Variants in SPIC observed in about 807,000 individuals in gnomAD.
SPIC encodes Spi-C transcription factor.
A neutral mutation model predicts 16.7 loss-of-function variants in SPIC; 9 were observed. The ratio of observed to expected loss-of-function variants is 0.54; its 90% confidence interval spans 0.33 to 0.94. The LOEUF is 0.94. Among genes scored for constraint, SPIC ranks in the 40% least tolerant of loss-of-function variants. The pLI is 0.03. For synonymous variants in SPIC, 97 were observed against 102.9 expected, an observed-to-expected ratio of 0.94 and a Z score of 0.35; for missense variants, 241 against 285.8, an observed-to-expected ratio of 0.84 and a Z score of 1.13.
intron 5 of SPIC, among the ~76,000 whole-genome samples, chr12:101,484,863 A>G (rs1873320494): frequency 6.6e-6 from 1 of 151,838 alleles, no homozygotes; most frequent in Non-Finnish European, 1.5e-5. Context: ...GCGAGACTCC[A>G]TCTCCAAAAA....
At chr12:101,485,939 G>A (rs1343043077) in intron 5 of SPIC, among the ~76,000 whole-genome samples, 3 of 152,304 alleles carry the variant, frequency 2.0e-5, no homozygotes, top group South Asian at 2.1e-4. Flanking sequence ...GAGTAGCTGG[G>A]ATTACAGGCG....
chr12:101,486,655 ATCT>A lies in SPIC; in HGVS notation c.635_637del (p.Phe212del), dbSNP rs1205306759. ...TCCATCCTATTTCCTGGGGAAAGAGATCTTCTATTCACAGTGTGTTCAACCTGA... is the reference window on the plus strand; with the variant it reads ...TCCATCCTATTTCCTGGGGAAAGAGATCTATTCACAGTGTGTTCAACCTGA... On this transcript the variant is annotated inframe_deletion, in exon 6 of 6. Coordinates refer to ENST00000551346, the MANE Select transcript of SPIC (RefSeq NM_152323.3). The A allele has an allele frequency of 6.2e-7, 1 of 1,613,862 alleles. No individual in the cohort carries two copies. The highest frequency in any genetic ancestry group is 2.2e-5 in the East Asian group (1 of 44,894).
chr12:101,475,340 G>A lies in SPIC; in HGVS notation c.-240G>A, dbSNP rs1421906531. The A allele has an allele frequency of 6.6e-6, 1 of 151,706 alleles. No homozygotes were observed. The highest frequency in any genetic ancestry group is 1.9e-4 in the East Asian group (1 of 5,174). The allele number at this position is 151,706 out of a possible 1,614,324, so 9.4% of individuals were successfully genotyped here. ...CAACTCTGCCAGTATGTTCTTGATG[G>A]TTATGTCTTAACAATTCTAATTTTT... is the stretch of plus-strand genomic sequence containing the variant. On this transcript the variant is annotated 5_prime_UTR_variant, in exon 1 of 6. Transcript: ENST00000551346.
intron 5 of SPIC, among the ~76,000 whole-genome samples, chr12:101,484,820 A>G: frequency 6.6e-6 from 1 of 151,710 alleles, no homozygotes; most frequent in East Asian, 1.9e-4. Flanking sequence ...GTGAGCCAAG[A>G]TTGCGCCACT....
intron 3 of SPIC, 86 bp downstream of exon 3, chr12:101,477,737 C>T: frequency 8.2e-7 from 1 of 1,214,258 alleles, no homozygotes; most frequent in Non-Finnish European, 1.2e-6. Context: ...GATCAGCTGA[C>T]CAGGTGCTGT....
At position 101,482,916 on chromosome 12, in the gene SPIC, A is replaced by G. The variant is rs368603024; in HGVS notation, c.319+16A>G. 1.6e-5 allele frequency: 25 copies of G among 1,604,714 alleles called. No homozygotes were observed. The highest frequency in any genetic ancestry group is 8.4e-5 in the Admixed American group (5 of 59,726). Reference sequence around the variant, plus strand: ...GGGGGAAAAGGTACGTTGATCCATCATTCGTTATACAGGTAAAAGAACCAG... The same window carrying G: ...GGGGGAAAAGGTACGTTGATCCATCGTTCGTTATACAGGTAAAAGAACCAG... On this transcript the variant is annotated intron_variant, in intron 5 of 5. Transcript: ENST00000551346.
intron 3 of SPIC, among the ~76,000 whole-genome samples, chr12:101,479,242 A>AAG (rs1555208989): frequency 0.021 from 935 of 44,706 alleles, 49 homozygotes; most frequent in Middle Eastern, 0.042. Flanking sequence ...GAAAGAAAGA[A>AAG]AAAGAAAGAA....
chr12:101,482,959 T>C, intron 5 of SPIC, 59 bp downstream of exon 5: 1 of 1,419,646 alleles, frequency 7.0e-7, no homozygotes, highest in South Asian at 1.2e-5. Context: ...TCATAGCTGC[T>C]TTAAAGGGAT....
At chr12:101,482,539 C>A (rs1429497164) in intron 4 of SPIC, among the ~76,000 whole-genome samples, 2 of 152,048 alleles carry the variant, frequency 1.3e-5, no homozygotes, top group Admixed American at 1.3e-4. Context: ...TTAAGCAATC[C>A]CTTCTTTCTT....
intron 2 of SPIC, among the ~76,000 whole-genome samples, chr12:101,477,116 G>T (rs997190348): frequency 6.6e-6 from 1 of 152,054 alleles, no homozygotes; most frequent in Non-Finnish European, 1.5e-5. Flanking sequence ...CAATTCATAG[G>T]TTCTGTTTCA....
In SPIC at chr12:101,475,382, T is replaced by A. The variant is rs1872926154; in HGVS notation, c.-198T>A. The A allele has an allele frequency of 6.6e-6, 1 of 151,884 alleles. No homozygotes were observed. Among genetic ancestry groups the A allele is most frequent in the Non-Finnish European group, 1.5e-5 (1 of 67,942 alleles). 9.4% of individuals were successfully genotyped at this position (151,884 alleles called of 1,614,324 possible). ...CTAATTTTTAAAAAAAATATTACTATTTTTTTTCATCAGAGCCATTGCACT... is the reference window on the plus strand; with the variant it reads ...CTAATTTTTAAAAAAAATATTACTAATTTTTTTCATCAGAGCCATTGCACT... On this transcript the variant is annotated 5_prime_UTR_variant, in exon 1 of 6. Transcript: ENST00000551346.
intron 5 of SPIC, among the ~76,000 whole-genome samples, chr12:101,485,713 C>A (rs1159660119): frequency 6.6e-6 from 1 of 152,182 alleles, no homozygotes; most frequent in African/African-American, 2.4e-5. Context: ...CTGGAAATGG[C>A]TTTTTGAGGC....
At chr12:101,479,172 A>AAAAGAAAGAAAGAAAGAAAAAGAAAG (rs1873061429) in intron 3 of SPIC, among the ~76,000 whole-genome samples, 1 of 82,934 alleles carries the variant, frequency 1.2e-5, no homozygotes, top group East Asian at 3.3e-4. Flanking sequence ...GAAAGAAAGA[A>AAAAGAAAGAAAGAAAGAAAAAGAAAG]AAAGAAAGAA....
intron 4 of SPIC, among the ~76,000 whole-genome samples, chr12:101,481,621 T>A (rs1873201318): frequency 6.6e-6 from 1 of 151,808 alleles, no homozygotes; most frequent in Non-Finnish European, 1.5e-5. Context: ...GCGATTCTCC[T>A]GCCTCAGCCT....
chr12:101,479,554 T>A lies in SPIC; in HGVS notation c.98-28T>A, dbSNP rs376365806. 5.7e-4 allele frequency: 900 copies of A among 1,579,740 alleles called. 1 individual carries two copies. The highest frequency in any genetic ancestry group is 2.3e-3 in the Middle Eastern group (13 of 5,734). ...TGCACAAATACAAACTTTGACTTTTTTAGTTTCTTTCTCTGATTTAAAATT... is the reference window on the plus strand; with the variant it reads ...TGCACAAATACAAACTTTGACTTTTATAGTTTCTTTCTCTGATTTAAAATT... On this transcript the variant is annotated intron_variant, in intron 3 of 5. Coordinates refer to ENST00000551346, the MANE Select transcript of SPIC (RefSeq NM_152323.3).
At chr12:101,478,963 C>G (rs140968720) in intron 3 of SPIC, among the ~76,000 whole-genome samples, 3,477 of 150,310 alleles carry the variant, frequency 0.023, 134 homozygotes, top group African/African-American at 0.081. Flanking sequence ...ATGGCAAAAC[C>G]CTGTCTCTAC....
chr12:101,478,276 C>G (rs1056789188), intron 3 of SPIC, among the ~76,000 whole-genome samples: 12 of 152,036 alleles, frequency 7.9e-5, no homozygotes, highest in Non-Finnish European at 1.6e-4. Flanking sequence ...CGTGATCCGC[C>G]CATCTCGGCC....
intron 5 of SPIC, among the ~76,000 whole-genome samples, chr12:101,484,057 A>T (rs1281371591): frequency 6.6e-6 from 1 of 151,788 alleles, no homozygotes; most frequent in Non-Finnish European, 1.5e-5. Context: ...TTCAAAATAG[A>T]AGTATTATAT....
At chr12:101,476,350 G>A (rs1254051927) in intron 1 of SPIC, among the ~76,000 whole-genome samples, 2 of 152,118 alleles carry the variant, frequency 1.3e-5, no homozygotes, top group African/African-American at 2.4e-5. Flanking sequence ...AGTCTTCACA[G>A]GCTAAATTTT....
Sources: gnomAD v4.1 joint callset for allele counts (sites outside exome capture counted in the v4.1 genomes callset) on GRCh38, gnomAD v4.1.1 for gene constraint, MANE v1.5 for transcripts, NCBI Gene and HGNC (gene_info 2026-07-23, HGNC 2026-07-21) for gene names.